The following CNTN1 variants were observed in gnomAD, a reference collection of about 807,000 sequenced individuals.
CNTN1 encodes the protein contactin 1, also known as contactin-1.
A neutral mutation model predicts 126.4 loss-of-function variants in CNTN1; 38 were observed. That is an observed-to-expected ratio of 0.30 (90% confidence interval 0.23 to 0.39). CNTN1 has a LOEUF of 0.39. Among genes scored for constraint, CNTN1 ranks in the 10% least tolerant of loss-of-function variants. CNTN1 has a pLI of 1.00. For synonymous variants in CNTN1, 413 were observed against 422.6 expected (o/e 0.98, Z 0.28); for missense variants, 1,009 against 1,248.4 (o/e 0.81, Z 2.89).
chr12:41,058,324 T>C (rs1409211529), intron 23 of CNTN1, among the ~76,000 whole-genome samples: 1 of 152,082 alleles, frequency 6.6e-6, no homozygotes, highest in African/African-American at 2.4e-5. Context: ...TAAATGAGTA[T>C]AATAAGACAC....
intron 23 of CNTN1, among the ~76,000 whole-genome samples, chr12:41,060,255 C>T (rs1949911771): frequency 6.6e-6 from 1 of 152,078 alleles, no homozygotes; most frequent in Non-Finnish European, 1.5e-5. Context: ...GACAGTCTTT[C>T]TTTGTATGTA....
intron 1 of CNTN1, among the ~76,000 whole-genome samples, chr12:40,708,112 T>C (rs1565627928): frequency 6.6e-6 from 1 of 152,232 alleles, no homozygotes; most frequent in Non-Finnish European, 1.5e-5. Flanking sequence ...AGAGAACTTA[T>C]GGTATATTAC....
chr12:40,827,089 C>A (rs967079196), intron 1 of CNTN1, among the ~76,000 whole-genome samples: 2 of 152,002 alleles, frequency 1.3e-5, no homozygotes, highest in Non-Finnish European at 2.9e-5. Flanking sequence ...AGTATTTTTG[C>A]AAATACTGTT....
intron 22 of CNTN1, 73 bp downstream of exon 22, chr12:41,028,042 C>A: frequency 1.8e-6 from 2 of 1,125,430 alleles, no homozygotes; most frequent in Non-Finnish European, 2.7e-6. Flanking sequence ...GGTTTCTTTT[C>A]TTTTTTTGAG....
intron 23 of CNTN1, among the ~76,000 whole-genome samples, chr12:41,041,867 C>T (rs935761597): frequency 6.6e-6 from 1 of 152,064 alleles, no homozygotes; most frequent in East Asian, 1.9e-4. Context: ...AAAAAACTAG[C>T]TCCTGGGGGC....
At chr12:40,868,239 G>A (rs913529815) in intron 1 of CNTN1, among the ~76,000 whole-genome samples, 3 of 151,858 alleles carry the variant, frequency 2.0e-5, no homozygotes, top group Admixed American at 6.6e-5. Flanking sequence ...TTATTTATTA[G>A]AACTAGGAGG....
intron 15 of CNTN1, among the ~76,000 whole-genome samples, chr12:40,976,162 G>T (rs1947664574): frequency 6.6e-6 from 1 of 152,006 alleles, no homozygotes; most frequent in Non-Finnish European, 1.5e-5. Flanking sequence ...TGAGAAAAAT[G>T]GATAAAAAGA....
intron 17 of CNTN1, among the ~76,000 whole-genome samples, chr12:41,012,236 G>A (rs73116987): frequency 0.063 from 9,574 of 152,192 alleles, 514 homozygotes; most frequent in Admixed American, 0.16. Flanking sequence ...GTGCTCTCTA[G>A]AACAAGGGCA....
At chr12:40,822,146 A>ATTTTTTTTTTTTT (rs1315956279) in intron 1 of CNTN1, among the ~76,000 whole-genome samples, 1 of 81,892 alleles carries the variant, frequency 1.2e-5, no homozygotes, top group Non-Finnish European at 2.6e-5. Flanking sequence ...CAAAATATAA[A>ATTTTTTTTTTTTT]TCTTTTTTTT....
chr12:40,993,138 G>A lies in CNTN1; in HGVS notation c.1982G>A (p.Gly661Glu). 1 of 1,613,372 alleles carries A rather than the reference G, an allele frequency of 6.2e-7. No homozygotes were observed. Among genetic ancestry groups the A allele is most frequent in the Non-Finnish European group, 8.5e-7 (1 of 1,179,398 alleles). ...TATTCAGATCCCCCAATTATTGAAG[G>A]AAATATGGAGGCAGCAAGAGCAGTG... ...DAKTDPPIIE[G>E]NMEAARAVDL... Residue 661 changes from glycine (G) to glutamate (E), a missense_variant, in exon 17 of 24, where the codon GGA (glycine) becomes GAA (glutamate). Coordinates refer to ENST00000551295, the MANE Select transcript of CNTN1 (RefSeq NM_001843.4).
intron 1 of CNTN1, among the ~76,000 whole-genome samples, chr12:40,732,642 T>C (rs1942529347): frequency 6.6e-6 from 1 of 152,004 alleles, no homozygotes; most frequent in Admixed American, 6.6e-5. Context: ...GAAATCCATA[T>C]TTGCTCAGAA....
intron 1 of CNTN1, among the ~76,000 whole-genome samples, chr12:40,851,758 A>G (rs1406816492): frequency 6.6e-6 from 1 of 152,146 alleles, no homozygotes; most frequent in Non-Finnish European, 1.5e-5. Flanking sequence ...CCCCAAAGAT[A>G]AGGCTTAGCG....
At chr12:41,058,423 G>C (rs971479629) in intron 23 of CNTN1, among the ~76,000 whole-genome samples, 5 of 152,208 alleles carry the variant, frequency 3.3e-5, no homozygotes, top group African/African-American at 1.2e-4. Flanking sequence ...AGAAATGCTG[G>C]TATTGAAGGA....
intron 1 of CNTN1, among the ~76,000 whole-genome samples, chr12:40,800,967 A>T (rs1214755180): frequency 1.3e-5 from 2 of 151,664 alleles, no homozygotes; most frequent in Admixed American, 1.3e-4. Context: ...AAGTTTGGAC[A>T]CAAAGTCAGA....
chr12:40,924,739 A>C, intron 6 of CNTN1, 87 bp downstream of exon 6: 2 of 745,826 alleles, frequency 2.7e-6, no homozygotes, highest in Non-Finnish European at 4.9e-6. Flanking sequence ...TACATTATTA[A>C]TAATCATGGC....
At chr12:40,975,503 C>T (rs1413858789) in intron 15 of CNTN1, among the ~76,000 whole-genome samples, 1 of 151,686 alleles carries the variant, frequency 6.6e-6, no homozygotes, top group African/African-American at 2.4e-5. Flanking sequence ...TGAAGAACCC[C>T]CAAGGTAAGA....
intron 1 of CNTN1, among the ~76,000 whole-genome samples, chr12:40,889,689 A>G (rs1379811184): frequency 3.9e-5 from 6 of 152,154 alleles, no homozygotes; most frequent in Non-Finnish European, 8.8e-5. Flanking sequence ...TATGAGTATT[A>G]AAAAAAGATA....
At chr12:40,819,757 T>TCGTG (rs1941385453) in intron 1 of CNTN1, among the ~76,000 whole-genome samples, 1 of 152,220 alleles carries the variant, frequency 6.6e-6, no homozygotes, top group Admixed American at 6.5e-5. Flanking sequence ...GCTGTAAGAA[T>TCGTG]CTGCACGTTC....
chr12:40,819,726 T>C (rs897902856), intron 1 of CNTN1, among the ~76,000 whole-genome samples: 15 of 152,198 alleles, frequency 9.9e-5, no homozygotes, highest in Non-Finnish European at 1.0e-4. Flanking sequence ...TCAGTAAGCT[T>C]AAGCAGATTC....
Sources: allele counts gnomAD v4.1 joint callset (sites outside exome capture counted in the v4.1 genomes callset), GRCh38; gene constraint gnomAD v4.1.1; transcripts MANE v1.5; gene names NCBI Gene and HGNC (gene_info 2026-07-23, HGNC 2026-07-21).